The following LIN7A variants were observed in gnomAD, a reference collection of about 807,000 sequenced individuals.
LIN7A encodes lin-7 cell polarity scaffold A.
Under a neutral mutation model 29.8 loss-of-function variants are expected in LIN7A, and 25 were observed. The ratio of observed to expected loss-of-function variants is 0.84; its 90% CI spans 0.61 to 1.17. The LOEUF (loss-of-function observed/expected upper bound fraction) is 1.17. Ranked by LOEUF, LIN7A falls within the 50% of genes most tolerant of loss-of-function variation. LIN7A has a pLI of 0.00. For synonymous variants in LIN7A, 118 were observed against 107.5 expected (o/e 1.10, Z -0.60); for missense variants, 239 against 287.0 (o/e 0.83, Z 1.21).
intron 2 of LIN7A, among the ~76,000 whole-genome samples, chr12:80,871,315 T>A (rs1037038686): frequency 6.6e-6 from 1 of 152,164 alleles, no homozygotes; most frequent in African/African-American, 2.4e-5. Flanking sequence ...ATATACTGAG[T>A]GTATTTCCTA....
chr12:80,865,683 G>T lies in LIN7A; in HGVS notation c.202-17361C>A, dbSNP rs571359656. Among the ~76,000 whole-genome samples the T allele has an allele frequency of 7.9e-5, 12 of 152,290 alleles. No homozygotes were observed. In the Middle Eastern group the frequency reaches 0.01, roughly 129 times the overall value. ...GTGCATAGTGTTTTATGTGAGAAAG[G>T]ACAGGCAGCTTCCCTCTGTATCTCA... is the stretch of plus-strand genomic sequence containing the variant. On this transcript the variant is annotated intron_variant, in intron 2 of 5. Coordinates refer to ENST00000552864, the MANE Select transcript of LIN7A (RefSeq NM_004664.4).
chr12:80,837,210 A>G (rs999058428), intron 4 of LIN7A, among the ~76,000 whole-genome samples: 1 of 152,212 alleles, frequency 6.6e-6, no homozygotes, highest in South Asian at 2.1e-4. Context: ...CTCTAGATTT[A>G]TGATATTTAC....
At chr12:80,830,293 A>G (rs1405271072) in intron 4 of LIN7A, among the ~76,000 whole-genome samples, 1 of 152,218 alleles carries the variant, frequency 6.6e-6, no homozygotes, top group Non-Finnish European at 1.5e-5. Flanking sequence ...ACTAAAATAG[A>G]AAAACTAAGT....
At chr12:80,864,669 A>G (rs2120439667) in intron 2 of LIN7A, among the ~76,000 whole-genome samples, 1 of 152,322 alleles carries the variant, frequency 6.6e-6, no homozygotes, top group East Asian at 1.9e-4. Context: ...AACTTTTGGA[A>G]GTGATATGCC....
intron 2 of LIN7A, among the ~76,000 whole-genome samples, chr12:80,879,105 C>T (rs1322547123): frequency 6.6e-6 from 1 of 152,180 alleles, no homozygotes; most frequent in Admixed American, 6.5e-5. Flanking sequence ...ACATGCTCAG[C>T]CTTTCATGTA....
intron 2 of LIN7A, among the ~76,000 whole-genome samples, chr12:80,867,944 G>A (rs1237994946): frequency 2.0e-5 from 3 of 152,096 alleles, no homozygotes; most frequent in Non-Finnish European, 4.4e-5. Flanking sequence ...TAACACAGTA[G>A]TATTTCAATT....
In LIN7A at chr12:80,807,074, T is replaced by TTTTTTTTTTTTTTTTG. The variant is rs1871045094; in HGVS notation, c.*4390_*4391insCAAAAAAAAAAAAAAA. On this transcript the variant is annotated intron_variant, in intron 5 of 5. Transcript: ENST00000552864. The stretch of plus-strand genomic sequence containing the variant: ...TTAATGAAGATGGAGTTTTTTTTTT[T>TTTTTTTTTTTTTTTTG]TTTTTTTTTTTTTTTTTGACGGAGT... Among the ~76,000 whole-genome samples, 2 of 47,036 alleles carry TTTTTTTTTTTTTTTTG rather than the reference T, an allele frequency of 4.3e-5. 1 individual carries two copies. Among genetic ancestry groups the TTTTTTTTTTTTTTTTG allele is most frequent in the African/African-American group, 1.7e-4 (2 of 11,632 alleles). 30.9% of individuals were successfully genotyped at this position (47,036 alleles called of 152,430 possible).
In LIN7A at chr12:80,845,822, G is replaced by A; in HGVS notation, c.391C>T (p.Pro131Ser). 1.2e-6 allele frequency: 2 copies of A among 1,613,836 alleles called. No homozygotes were observed. Among genetic ancestry groups the A allele is most frequent in the Non-Finnish European group, 1.7e-6 (2 of 1,179,942 alleles). Residue 131 changes from proline (P) to serine (S), a missense_variant, in exon 4 of 6, where the codon CCC becomes TCC. Transcript: ENST00000552864. ...NVMGGKEQNSPIYISRIIPGG... is the reference protein window; with the variant it reads ...NVMGGKEQNSSIYISRIIPGG... ...GGAATTATGCGAGAGATATAAATGG[G>A]GGAATTTTGCTCCTTTCCTCCCATC...
At position 80,833,276 on chromosome 12, in the gene LIN7A, A is replaced by T. The variant is rs1343146884; in HGVS notation, c.483+12454T>A. ...TTCTGCTGTGTCAACAAGAGGCAAG[A>T]TCCTTGTCAGAAACCCAAGAGTTCT... On this transcript the variant is annotated intron_variant, in intron 4 of 5. Coordinates refer to ENST00000552864, the MANE Select transcript of LIN7A (RefSeq NM_004664.4). Among the ~76,000 whole-genome samples the T allele has an allele frequency of 2.0e-5, 3 of 152,212 alleles. No individual in the cohort carries two copies. In the East Asian group the frequency reaches 5.8e-4, roughly 29 times the overall value.
At position 80,937,711 on chromosome 12, in the gene LIN7A, C is replaced by T. The variant is rs369212010; in HGVS notation, c.12G>A (p.Pro4=). MLK[P]SVTSAPTADM... is the part of the protein sequence containing the mutation. The stretch of plus-strand genomic sequence containing the variant: ...CTGCCGTGGGAGCCGAAGTGACGCT[C>T]GGCTTCAGCATCAGCAACCGCTCGT... Residue 4 remains proline (P), a synonymous_variant, in exon 1 of 6, where the codon CCG becomes CCA. Transcript: ENST00000552864. The T allele has an allele frequency of 2.3e-5, 32 of 1,415,004 alleles. No individual in the cohort carries two copies. In the African/African-American group the frequency reaches 2.9e-4, roughly 13 times the overall value. 87.7% of individuals were successfully genotyped at this position (1,415,004 alleles called of 1,614,324 possible).
intron 1 of LIN7A, among the ~76,000 whole-genome samples, chr12:80,919,839 G>C (rs1877212471): frequency 1.3e-5 from 2 of 152,112 alleles, no homozygotes; most frequent in African/African-American, 4.8e-5. Context: ...ACACACAGAG[G>C]CTTCCTAAGA....
chr12:80,813,159 T>A (rs2400838), intron 4 of LIN7A, among the ~76,000 whole-genome samples: 1 of 151,670 alleles, frequency 6.6e-6, no homozygotes, highest in African/African-American at 2.4e-5. Context: ...TACAGGTGCC[T>A]GCCACCACGC....
chr12:80,823,342 T>C (rs955737912), intron 4 of LIN7A, among the ~76,000 whole-genome samples: 1 of 152,158 alleles, frequency 6.6e-6, no homozygotes, highest in Admixed American at 6.5e-5. Context: ...GACACCCTCT[T>C]TGGGGCTTTG....
intron 3 of LIN7A, among the ~76,000 whole-genome samples, chr12:80,847,850 C>T (rs1873149424): frequency 2.6e-5 from 4 of 152,144 alleles, no homozygotes; most frequent in Non-Finnish European, 5.9e-5. Context: ...CAGTGGGTGT[C>T]AGGTGAATTC....
chr12:80,932,512 T>A (rs963111448), intron 1 of LIN7A, among the ~76,000 whole-genome samples: 5 of 152,244 alleles, frequency 3.3e-5, no homozygotes, highest in African/African-American at 2.4e-5. Flanking sequence ...CAACCTTGTA[T>A]CTTATGTAAG....
At chr12:80,905,907 G>A (rs1876453879) in intron 1 of LIN7A, among the ~76,000 whole-genome samples, 1 of 150,866 alleles carries the variant, frequency 6.6e-6, no homozygotes, top group South Asian at 2.1e-4. Flanking sequence ...GGTTGTCTCT[G>A]GTATTTATTT....
At chr12:80,833,484 C>T (rs1025181128) in intron 4 of LIN7A, among the ~76,000 whole-genome samples, 2 of 152,318 alleles carry the variant, frequency 1.3e-5, no homozygotes, top group East Asian at 1.9e-4. Context: ...CTTCCACCTC[C>T]GGCTTTTCCT....
At chr12:80,824,915 T>C (rs572710054) in intron 4 of LIN7A, among the ~76,000 whole-genome samples, 1 of 152,268 alleles carries the variant, frequency 6.6e-6, no homozygotes, top group East Asian at 1.9e-4. Flanking sequence ...TTATACTGAA[T>C]GGGGAAAAGT....
At chr12:80,839,430 A>G (rs1872713778) in intron 4 of LIN7A, among the ~76,000 whole-genome samples, 1 of 152,212 alleles carries the variant, frequency 6.6e-6, no homozygotes, top group South Asian at 2.1e-4. Context: ...TAGAGTGCTT[A>G]CAGCAGTGTC....
Sources: gnomAD v4.1 joint callset for allele counts (sites outside exome capture counted in the v4.1 genomes callset) on GRCh38, gnomAD v4.1.1 for gene constraint, MANE v1.5 for transcripts, NCBI Gene and HGNC (gene_info 2026-07-23, HGNC 2026-07-21) for gene names.